RCAN1: variants seen among roughly 807,000 people sequenced by gnomAD.
RCAN1 encodes regulator of calcineurin 1, also known as calcipressin-1.
RCAN1 carries 11 observed loss-of-function variants against 22.9 expected under a neutral mutation model. The ratio of observed to expected loss-of-function variants is 0.48; its 90% CI spans 0.30 to 0.79. The LOEUF (loss-of-function observed/expected upper bound fraction) is 0.79, where lower values mean the gene tolerates loss of function less well. Among genes scored for constraint, RCAN1 ranks in the 30% least tolerant of loss-of-function variants. The pLI, the probability that RCAN1 is intolerant of heterozygous loss-of-function variation, is 0.06. For synonymous variants in RCAN1, 136 were observed against 142.3 expected (o/e 0.96, Z 0.32); for missense variants, 291 against 337.8 (o/e 0.86, Z 1.09).
rs1020216343 is a variant in RCAN1 at position 34,615,082 on chromosome 21, C to A, written c.-71G>T. ...CTTGCGCGCCGGAGCCTCACGCGCT[C>A]CGGTCCGCGCCCGGCCGGCGGCTCC... is the stretch of plus-strand genomic sequence containing the variant. On this transcript the variant is annotated 5_prime_UTR_variant, in exon 1 of 4. Coordinates refer to ENST00000313806, the MANE Select transcript of RCAN1 (RefSeq NM_004414.7). 1.1e-5 allele frequency: 11 copies of A among 1,005,350 alleles called. No individual in the cohort carries two copies. In the Admixed American group the frequency reaches 2.9e-4, roughly 27 times the overall value. The allele number at this position is 1,005,350 out of a possible 1,614,324, so 62.3% of individuals were successfully genotyped here. A position where few individuals can be genotyped will look rare whatever the true frequency, so the allele number is the denominator to read the frequency against.
chr21:34,530,625 T>TGTTTGTTTGTTTTG (rs1555856747), intron 1 of RCAN1, among the ~76,000 whole-genome samples: 4 of 72,010 alleles, frequency 5.6e-5, no homozygotes, highest in African/African-American at 2.5e-4. Context: ...AGTTTTTTTT[T>TGTTTGTTTGTTTTG]TTTTTTTTTT....
intron 1 of RCAN1, among the ~76,000 whole-genome samples, chr21:34,576,886 A>G (rs1369638456): frequency 6.6e-6 from 1 of 152,244 alleles, no homozygotes; most frequent in African/African-American, 2.4e-5. Context: ...CTCATCAAAC[A>G]TGTATTGATC....
intron 1 of RCAN1, among the ~76,000 whole-genome samples, chr21:34,566,702 T>C (rs1415125505): frequency 6.6e-6 from 1 of 152,204 alleles, no homozygotes; most frequent in Non-Finnish European, 1.5e-5. Context: ...AAAAGAGGTT[T>C]ACTTAGCTCA....
chr21:34,560,921 C>G (rs1601175093), intron 1 of RCAN1, among the ~76,000 whole-genome samples: 1 of 152,216 alleles, frequency 6.6e-6, no homozygotes, highest in South Asian at 2.1e-4. Context: ...CCACCCAAAT[C>G]TCACCATGAA....
chr21:34,613,861 AC>A, intron 1 of RCAN1: 1 of 1,432,128 alleles, frequency 7.0e-7, no homozygotes. Context: ...GCATTTGTGG[AC>A]CCACAGCCAA....
intron 1 of RCAN1, among the ~76,000 whole-genome samples, chr21:34,537,826 T>TTG (rs3831800): frequency 8.8e-4 from 132 of 150,812 alleles, no homozygotes; most frequent in South Asian, 3.8e-3. Context: ...CACATGGTAA[T>TTG]TGTGTGTGTG....
At chr21:34,597,358 G>T (rs1764339619) in intron 1 of RCAN1, among the ~76,000 whole-genome samples, 1 of 152,194 alleles carries the variant, frequency 6.6e-6, no homozygotes, top group Non-Finnish European at 1.5e-5. Context: ...GGCCACAAGT[G>T]GCCAGTGGTT....
chr21:34,532,185 C>T (rs62213509), intron 1 of RCAN1, among the ~76,000 whole-genome samples: 6,310 of 151,988 alleles, frequency 0.042, 175 homozygotes, highest in East Asian at 0.14. Flanking sequence ...TCAGACATCA[C>T]CTGACGGATG....
At chr21:34,539,149 A>G (rs1985806588) in intron 1 of RCAN1, among the ~76,000 whole-genome samples, 1 of 152,200 alleles carries the variant, frequency 6.6e-6, no homozygotes, top group Non-Finnish European at 1.5e-5. Flanking sequence ...CTGACTCAAC[A>G]ATTTCACTCC....
At chr21:34,532,963 CT>C (rs35547356) in intron 1 of RCAN1, among the ~76,000 whole-genome samples, 51,518 of 141,420 alleles carry the variant, frequency 0.36, 9,724 homozygotes, top group African/African-American at 0.54. Flanking sequence ...ACAAAATAAA[CT>C]TTTTTTTTTT....
rs1984503445 is a variant in RCAN1, at chr21:34,521,255, G to A, written c.586+244C>T. Reference sequence around the variant, plus strand: ...GAATGGATTCCTGGGACACTGCGGGGGGTGGAGGGGCGTGATGCAGGGTCC... The same window carrying A: ...GAATGGATTCCTGGGACACTGCGGGAGGTGGAGGGGCGTGATGCAGGGTCC... On this transcript the variant is annotated intron_variant, in intron 3 of 3. Coordinates refer to ENST00000313806, the MANE Select transcript of RCAN1 (RefSeq NM_004414.7). 4 of 1,438,030 alleles carry A rather than the reference G, an allele frequency of 2.8e-6. No individual in the cohort carries two copies. The South Asian group carries it at 4.4e-5, about 16-fold the overall frequency. The allele number at this position is 1,438,030 out of a possible 1,614,324, so 89.1% of individuals were successfully genotyped here.
chr21:34,531,120 G>A (rs2123602981), intron 1 of RCAN1, among the ~76,000 whole-genome samples: 1 of 152,342 alleles, frequency 6.6e-6, no homozygotes, highest in South Asian at 2.1e-4. Context: ...TCAGAGTTGT[G>A]GAGAGGATTC....
intron 1 of RCAN1, among the ~76,000 whole-genome samples, chr21:34,574,262 TC>T (rs1218568345): frequency 1.3e-5 from 2 of 152,250 alleles, no homozygotes; most frequent in Non-Finnish European, 2.9e-5. Context: ...CAATGAGCTT[TC>T]CTAGAAGTTC....
At chr21:34,537,340 G>A (rs914822264) in intron 1 of RCAN1, among the ~76,000 whole-genome samples, 2 of 152,178 alleles carry the variant, frequency 1.3e-5, no homozygotes, top group African/African-American at 4.8e-5. Context: ...GGCCTAGAAT[G>A]GCCCAGTTAG....
chr21:34,592,388 T>TA (rs1271694377), intron 1 of RCAN1, among the ~76,000 whole-genome samples: 2 of 152,072 alleles, frequency 1.3e-5, no homozygotes, highest in African/African-American at 2.4e-5. Context: ...CTGACTGGGC[T>TA]AAAAAAAGCT....
intron 1 of RCAN1, among the ~76,000 whole-genome samples, chr21:34,543,107 C>T (rs2251037): frequency 0.59 from 89,188 of 152,130 alleles, 27,588 homozygotes; most frequent in African/African-American, 0.78. Context: ...AGGAAGTTTC[C>T]ATGAAAGCGT....
Position 34,531,974 on chromosome 21 carries a change from G to A in RCAN1, c.253-8264C>T, listed in dbSNP as rs114105975. Among the ~76,000 whole-genome samples, 825 of 152,156 alleles carry A rather than the reference G, an allele frequency of 5.4e-3. 15 individuals are homozygous for A. Among genetic ancestry groups the A allele is most frequent in the African/African-American group, 0.019 (782 of 41,520 alleles). On this transcript the variant is annotated intron_variant, in intron 1 of 3. Transcript: ENST00000313806. Reference sequence around the variant, plus strand: ...GGCAGACTTTATTCAGGACCACCACGATGGGTATAGAGACCACCACAACCA... The same window carrying A: ...GGCAGACTTTATTCAGGACCACCACAATGGGTATAGAGACCACCACAACCA...
chr21:34,535,902 G>C (rs577591678), intron 1 of RCAN1, among the ~76,000 whole-genome samples: 27 of 143,280 alleles, frequency 1.9e-4, no homozygotes, highest in Non-Finnish European at 3.5e-4. Context: ...CAAGTATAAA[G>C]AAAAAAAAAA....
chr21:34,522,876 G>A (rs1252998963), intron 2 of RCAN1: 2 of 152,178 alleles, frequency 1.3e-5, no homozygotes, highest in Non-Finnish European at 2.9e-5. Flanking sequence ...CCTTGAAGGT[G>A]GGTCACCTGT....
Sources: allele counts gnomAD v4.1 joint callset (sites outside exome capture counted in the v4.1 genomes callset), GRCh38; gene constraint gnomAD v4.1.1; transcripts MANE v1.5; gene names NCBI Gene and HGNC (gene_info 2026-07-23, HGNC 2026-07-21).